The following AUTS2 variants were observed in gnomAD, a reference collection of about 807,000 sequenced individuals.
AUTS2 encodes activator of transcription and developmental regulator AUTS2.
A neutral mutation model predicts 112.4 loss-of-function variants in AUTS2; 17 were observed. The observed-to-expected ratio is 0.15, with a 90% CI of 0.10 to 0.23. The LOEUF is 0.23. Ranked by LOEUF, AUTS2 falls within the 10% of genes least tolerant of loss-of-function variation. The pLI, the probability that AUTS2 is intolerant of heterozygous loss-of-function variation, is 1.00. For synonymous variants in AUTS2, 751 were observed against 702.7 expected, an observed-to-expected ratio of 1.07 and a Z score of -1.09; for missense variants, 1,510 against 1,701.6, an observed-to-expected ratio of 0.89 and a Z score of 1.98.
intron 4 of AUTS2, among the ~76,000 whole-genome samples, chr7:70,392,257 G>C (rs1793899062): frequency 1.3e-5 from 2 of 152,122 alleles, no homozygotes; most frequent in South Asian, 4.1e-4. Context: ...CCATTGGAGA[G>C]ACTCAGTTTT....
At chr7:69,724,998 C>T (rs768178263) in intron 1 of AUTS2, among the ~76,000 whole-genome samples, 2 of 151,928 alleles carry the variant, frequency 1.3e-5, no homozygotes, top group East Asian at 1.9e-4. Flanking sequence ...ATATAAGAAC[C>T]GAAGTTTTTA....
intron 1 of AUTS2, among the ~76,000 whole-genome samples, chr7:69,773,889 G>A (rs567746905): frequency 2.2e-4 from 33 of 152,166 alleles, no homozygotes; most frequent in Non-Finnish European, 3.8e-4. Context: ...GAATCCCGTC[G>A]AACACCCTAA....
intron 4 of AUTS2, among the ~76,000 whole-genome samples, chr7:70,387,859 T>G (rs1026948804): frequency 4.6e-5 from 7 of 152,210 alleles, no homozygotes; most frequent in African/African-American, 1.4e-4. Context: ...TCATTCCATC[T>G]TCTACGTTAC....
intron 4 of AUTS2, among the ~76,000 whole-genome samples, chr7:70,299,634 G>A (rs1647877643): frequency 6.6e-6 from 1 of 152,102 alleles, no homozygotes; most frequent in African/African-American, 2.4e-5. Context: ...AGAAAATGAT[G>A]AGCACCTTGC....
intron 2 of AUTS2, among the ~76,000 whole-genome samples, chr7:69,902,660 G>A (rs775917706): frequency 1.1e-4 from 16 of 152,076 alleles, no homozygotes; most frequent in Non-Finnish European, 1.5e-4. Flanking sequence ...CTGAGACTCC[G>A]TTGAAGGCAA....
intron 6 of AUTS2, among the ~76,000 whole-genome samples, chr7:70,706,738 G>A (rs538978043): frequency 6.6e-6 from 1 of 152,186 alleles, no homozygotes; most frequent in Non-Finnish European, 1.5e-5. Flanking sequence ...TTGCTGGCTT[G>A]GAAGGACTTA....
intron 1 of AUTS2, among the ~76,000 whole-genome samples, chr7:69,888,081 C>T (rs780661393): frequency 6.6e-5 from 10 of 151,902 alleles, no homozygotes; most frequent in African/African-American, 1.9e-4. Context: ...GAGGCCAAGG[C>T]GGGAGGATCG....
At chr7:69,625,963 A>G (rs1176186044) in intron 1 of AUTS2, among the ~76,000 whole-genome samples, 1 of 152,212 alleles carries the variant, frequency 6.6e-6, no homozygotes, top group African/African-American at 2.4e-5. Flanking sequence ...TATGAACATT[A>G]TTGTGGTGTG....
In AUTS2 at chr7:70,694,792, C is replaced by A. The variant is rs1054674132; in HGVS notation, c.691-3777C>A. The stretch of plus-strand genomic sequence containing the variant: ...GCCTCGGCCGCGCTGGATGTGTGCG[C>A]GCGGCGCCGGCTCTCGGTCGCCCCG... On this transcript the variant is annotated intron_variant, in intron 5 of 18. Transcript: ENST00000342771. This position sits in a 1 kb window ranked among gnomAD's most constrained non-coding sequence, Gnocchi z 4.1. The A allele has an allele frequency of 6.6e-6, 1 of 150,770 alleles. No homozygotes were observed. Among genetic ancestry groups the A allele is most frequent in the Non-Finnish European group, 1.5e-5 (1 of 67,448 alleles). The allele number at this position is 150,770 out of a possible 1,614,324, so 9.3% of individuals were successfully genotyped here.
At chr7:69,646,819 G>A (rs2129127054) in intron 1 of AUTS2, among the ~76,000 whole-genome samples, 1 of 152,280 alleles carries the variant, frequency 6.6e-6, no homozygotes, top group South Asian at 2.1e-4. Context: ...GGGTGCGGTG[G>A]CTCACGCCTG....
At chr7:69,923,610 G>C (rs1290641847) in intron 2 of AUTS2, among the ~76,000 whole-genome samples, 1 of 152,128 alleles carries the variant, frequency 6.6e-6, no homozygotes, top group Non-Finnish European at 1.5e-5. Context: ...TCTCTATTTA[G>C]ATCTTACTTA....
At chr7:70,362,896 A>G (rs150843570) in intron 4 of AUTS2, among the ~76,000 whole-genome samples, 113 of 152,342 alleles carry the variant, frequency 7.4e-4, no homozygotes, top group Middle Eastern at 6.8e-3. Context: ...GTCCACAGTA[A>G]GCGGGAGAGA....
At chr7:70,377,690 T>C (rs1793177055) in intron 4 of AUTS2, among the ~76,000 whole-genome samples, 1 of 151,780 alleles carries the variant, frequency 6.6e-6, no homozygotes, top group Non-Finnish European at 1.5e-5. Context: ...TCTATGAATT[T>C]GACTACTCTA....
chr7:69,964,777 T>G (rs1482640388), intron 2 of AUTS2, among the ~76,000 whole-genome samples: 2 of 152,036 alleles, frequency 1.3e-5, no homozygotes, highest in Non-Finnish European at 1.5e-5. Flanking sequence ...ATGATTTTTT[T>G]TTGCTATCAT....
At chr7:70,228,853 CAAGAA>C (rs1034002342) in intron 4 of AUTS2, among the ~76,000 whole-genome samples, 1 of 151,742 alleles carries the variant, frequency 6.6e-6, no homozygotes, top group African/African-American at 2.4e-5. Context: ...AAGACAAAGA[CAAGAA>C]AATAGAAAAA....
intron 5 of AUTS2, among the ~76,000 whole-genome samples, chr7:70,522,955 G>A (rs1799701928): frequency 6.6e-6 from 1 of 152,196 alleles, no homozygotes; most frequent in African/African-American, 2.4e-5. Flanking sequence ...ATTCCTGGCA[G>A]CCAAGGTCAA....
intron 6 of AUTS2, among the ~76,000 whole-genome samples, chr7:70,721,732 A>G (rs1344036989): frequency 6.6e-6 from 1 of 152,194 alleles, no homozygotes; most frequent in African/African-American, 2.4e-5. Context: ...TTATGTTGCA[A>G]AATTGCAAAC....
chr7:70,478,677 C>T (rs1797675620), intron 5 of AUTS2, among the ~76,000 whole-genome samples: 1 of 152,178 alleles, frequency 6.6e-6, no homozygotes, highest in Admixed American at 6.5e-5. Flanking sequence ...ATGAGTCCTT[C>T]ACACCACCCT....
At chr7:70,002,763 G>T (rs1197700865) in intron 2 of AUTS2, among the ~76,000 whole-genome samples, 1 of 152,026 alleles carries the variant, frequency 6.6e-6, no homozygotes, top group Non-Finnish European at 1.5e-5. Context: ...TTGTATTTGG[G>T]GAAGAGGGGA....
Sources: gnomAD v4.1 joint callset for allele counts (sites outside exome capture counted in the v4.1 genomes callset) on GRCh38, gnomAD v4.1.1 for gene constraint, Gnocchi (gnomAD v3.1) non-coding constraint, MANE v1.5 for transcripts, NCBI Gene and HGNC (gene_info 2026-07-23, HGNC 2026-07-21) for gene names.